GALNT13: variants seen among roughly 807,000 people sequenced by gnomAD.
The protein encoded by GALNT13 is polypeptide N-acetylgalactosaminyltransferase 13, also known as UDP-GalNAc:polypeptide N-acetylgalactosaminyltransferase 13.
GALNT13 carries 28 observed loss-of-function variants against 64.2 expected under a neutral mutation model. The ratio of observed to expected loss-of-function variants is 0.44; its 90% CI spans 0.32 to 0.60. The LOEUF is 0.60. Ranked by LOEUF, GALNT13 falls within the 20% of genes least tolerant of loss-of-function variation. The probability of loss-of-function intolerance (pLI) is 0.05; values close to 1 mark genes in which losing one functional copy is unlikely to be tolerated. For missense variants in GALNT13, 577 were observed against 669.8 expected, an observed-to-expected ratio of 0.86 and a Z score of 1.53; for synonymous variants, 214 against 224.6, an observed-to-expected ratio of 0.95 and a Z score of 0.42.
intron 3 of GALNT13, among the ~76,000 whole-genome samples, chr2:153,945,314 A>G (rs1256900541): frequency 6.6e-6 from 1 of 152,138 alleles, no homozygotes; most frequent in African/African-American, 2.4e-5. Flanking sequence ...TTTTCTGTGA[A>G]GTTATTCCAG....
intron 1 of GALNT13, among the ~76,000 whole-genome samples, chr2:153,879,186 G>T (rs1019598540): frequency 1.3e-5 from 2 of 152,134 alleles, no homozygotes; most frequent in Non-Finnish European, 2.9e-5. Context: ...GTGCTTTGCA[G>T]ATATTGATTC....
the GALNT13 span, among the ~76,000 whole-genome samples, chr2:153,616,782 A>G: frequency 6.6e-6 from 1 of 152,014 alleles, no homozygotes; most frequent in Non-Finnish European, 1.5e-5. Flanking sequence ...GATGTTCTGC[A>G]GTATGAATGA....
chr2:154,168,419 A>G (rs936113733), intron 4 of GALNT13, among the ~76,000 whole-genome samples: 3 of 152,276 alleles, frequency 2.0e-5, no homozygotes, highest in African/African-American at 2.4e-5. Context: ...CTCAAAGTCT[A>G]CTAATTGACC....
At chr2:153,748,102 A>T in the GALNT13 span, among the ~76,000 whole-genome samples, 1 of 152,148 alleles carries the variant, frequency 6.6e-6, no homozygotes, top group East Asian at 1.9e-4. Context: ...AGTAATGGCA[A>T]TTTAATCTTG....
At chr2:153,609,354 G>A in the GALNT13 span, among the ~76,000 whole-genome samples, 1 of 152,128 alleles carries the variant, frequency 6.6e-6, no homozygotes, top group Non-Finnish European at 1.5e-5. Context: ...GCTTTAAACT[G>A]TAATAATTAT....
chr2:154,061,143 A>C (rs72868482), intron 3 of GALNT13, among the ~76,000 whole-genome samples: 10,863 of 152,144 alleles, frequency 0.071, 463 homozygotes, highest in Middle Eastern at 0.14. Flanking sequence ...AACCAGATTC[A>C]CCTATTGTTA....
At chr2:153,886,587 T>C (rs1298136749) in intron 1 of GALNT13, among the ~76,000 whole-genome samples, 1 of 152,012 alleles carries the variant, frequency 6.6e-6, no homozygotes, top group Non-Finnish European at 1.5e-5. Flanking sequence ...AATTGAACAA[T>C]GAGAACACAT....
chr2:153,825,785 T>A, the GALNT13 span, among the ~76,000 whole-genome samples: 3 of 152,138 alleles, frequency 2.0e-5, no homozygotes, highest in Admixed American at 6.5e-5. Flanking sequence ...GCTTCTTTGC[T>A]CCTCCAGTGG....
chr2:153,159,284 T>C, the GALNT13 span: 3 of 152,310 alleles, frequency 2.0e-5, no homozygotes, highest in Admixed American at 2.0e-4. Context: ...TTAAAAAATA[T>C]GGTGCCTCTG....
At chr2:154,028,702 T>C (rs1265646709) in intron 3 of GALNT13, among the ~76,000 whole-genome samples, 1 of 152,154 alleles carries the variant, frequency 6.6e-6, no homozygotes, top group South Asian at 2.1e-4. Context: ...AGGCTTTTCA[T>C]TCTGCTGCAT....
chr2:153,095,340 T>C, the GALNT13 span, among the ~76,000 whole-genome samples: 1 of 152,194 alleles, frequency 6.6e-6, no homozygotes, highest in African/African-American at 2.4e-5. Context: ...CACAATGAGA[T>C]GCCATCTCAT....
the GALNT13 span, among the ~76,000 whole-genome samples, chr2:153,710,581 C>A: frequency 1.3e-5 from 2 of 152,110 alleles, no homozygotes; most frequent in South Asian, 4.2e-4. Flanking sequence ...GTATATTAAC[C>A]TTTAAAGGAG....
the GALNT13 span, among the ~76,000 whole-genome samples, chr2:153,093,236 C>CTTTTTTTTTTTTTTTTTTTTTTTT: frequency 7.8e-6 from 1 of 129,010 alleles, no homozygotes; most frequent in African/African-American, 2.8e-5. Flanking sequence ...TTTTTCTTTT[C>CTTTTTTTTTTTTTTTTTTTTTTTT]TTTTCTTTTT....
intron 9 of GALNT13, among the ~76,000 whole-genome samples, chr2:154,311,167 A>G (rs138900262): frequency 1.8e-3 from 276 of 152,230 alleles, no homozygotes; most frequent in African/African-American, 6.3e-3. Context: ...TAGATTATCA[A>G]TCTTTTTGTT....
chr2:153,725,733 T>C, the GALNT13 span, among the ~76,000 whole-genome samples: 1 of 151,552 alleles, frequency 6.6e-6, no homozygotes, highest in South Asian at 2.1e-4. Context: ...GGCAGCTGGT[T>C]CCAGAAATAT....
At chr2:154,059,356 T>G (rs913365214) in intron 3 of GALNT13, among the ~76,000 whole-genome samples, 4 of 152,242 alleles carry the variant, frequency 2.6e-5, no homozygotes, top group Non-Finnish European at 4.4e-5. Flanking sequence ...TTCTCTTGAA[T>G]GAACCTTAAG....
chr2:154,327,863 T>C (rs1419247434), intron 9 of GALNT13, among the ~76,000 whole-genome samples: 1 of 152,134 alleles, frequency 6.6e-6, no homozygotes, highest in African/African-American at 2.4e-5. Context: ...TGGAAGAATC[T>C]TCCTTTCTAA....
chr2:153,406,928 CTG>C, the GALNT13 span, among the ~76,000 whole-genome samples: 56 of 152,122 alleles, frequency 3.7e-4, no homozygotes, highest in South Asian at 2.3e-3. Flanking sequence ...CAGCTTAAAA[CTG>C]TAAGTCTAAA....
the GALNT13 span, among the ~76,000 whole-genome samples, chr2:153,260,327 A>G: frequency 6.6e-6 from 1 of 152,184 alleles, no homozygotes; most frequent in Non-Finnish European, 1.5e-5. Context: ...ATTGCTCATT[A>G]ATATCCCTTT....
Sources: allele counts gnomAD v4.1 joint callset (sites outside exome capture counted in the v4.1 genomes callset), GRCh38; gene constraint gnomAD v4.1.1; transcripts MANE v1.5; gene names NCBI Gene and HGNC (gene_info 2026-07-23, HGNC 2026-07-21).